Variants in ZNF761 observed in about 807,000 individuals in gnomAD.
ZNF761 encodes the protein zinc finger protein 761.
ZNF761 carries 43 observed loss-of-function variants against 59.9 expected under a neutral mutation model. The ratio of observed to expected loss-of-function variants is 0.72; its 90% CI spans 0.56 to 0.92. The LOEUF is 0.92. ZNF761 is among the 40% of genes least tolerant of loss of function. ZNF761 has a pLI of 0.00. For missense variants in ZNF761, 850 were observed against 906.1 expected (o/e 0.94, Z 0.79); for synonymous variants, 294 against 304.8 (o/e 0.96, Z 0.37).
chr19:53,434,127 G>A (rs576623170), intron 1 of ZNF761, among the ~76,000 whole-genome samples: 1 of 152,156 alleles, frequency 6.6e-6, no homozygotes, highest in African/African-American at 2.4e-5. Flanking sequence ...CTGCTTGCGA[G>A]TTTATGATGC....
intron 1 of ZNF761, among the ~76,000 whole-genome samples, chr19:53,436,281 T>A (rs1003870730): frequency 6.6e-6 from 1 of 152,186 alleles, no homozygotes; most frequent in Non-Finnish European, 1.5e-5. Flanking sequence ...AGAGTCTCCA[T>A]GTTGAAAGGG....
At chr19:53,446,830 C>T (rs560857820) in intron 2 of ZNF761, among the ~76,000 whole-genome samples, 20 of 152,150 alleles carry the variant, frequency 1.3e-4, no homozygotes, top group Non-Finnish European at 2.4e-4. Context: ...TGGGGTTTCA[C>T]CATGTTTCAC....
At chr19:53,454,305 T>G (rs2086244680) in intron 4 of ZNF761, among the ~76,000 whole-genome samples, 1 of 152,226 alleles carries the variant, frequency 6.6e-6, no homozygotes, top group Non-Finnish European at 1.5e-5. Flanking sequence ...GCTGTAAATA[T>G]GAAGAATATA....
At chr19:53,436,788 CT>C (rs1318841548) in intron 1 of ZNF761, among the ~76,000 whole-genome samples, 6 of 152,116 alleles carry the variant, frequency 3.9e-5, no homozygotes, top group African/African-American at 1.4e-4. Flanking sequence ...CACTTTTCCC[CT>C]GGTGGAGAAA....
chr19:53,444,892 A>G (rs1025827048), intron 1 of ZNF761: 1 of 150,924 alleles, frequency 6.6e-6, no homozygotes, highest in African/African-American at 2.4e-5. Context: ...GACTCTTTAT[A>G]TTATGTCAGA....
rs147857722 is a variant in ZNF761, at chr19:53,436,943, T to C, written c.-185+4915T>C. Among the ~76,000 whole-genome samples, 106 of 152,310 alleles carry C rather than the reference T, an allele frequency of 7.0e-4. 2 individuals are homozygous for C. The East Asian group carries it at 0.018, about 26-fold the overall frequency. On this transcript the variant is annotated intron_variant, in intron 1 of 4. Transcript: ENST00000684525. ...GAATTCTTGGGGCTGAGTGGGCCCC[T>C]GTCGTGGGTTATTCTCAGCACAGGT...
intron 4 of ZNF761, among the ~76,000 whole-genome samples, chr19:53,453,674 G>A (rs1239967379): frequency 6.6e-6 from 1 of 152,040 alleles, no homozygotes; most frequent in Non-Finnish European, 1.5e-5. Flanking sequence ...TCAAAAGTAC[G>A]AGGCTGGCCT....
At chr19:53,432,869 G>GGACA (rs2085987507) in intron 1 of ZNF761, among the ~76,000 whole-genome samples, 2 of 151,150 alleles carry the variant, frequency 1.3e-5, no homozygotes, top group Non-Finnish European at 2.9e-5. Context: ...GAGAGATGAA[G>GGACA]GACAGCAAGG....
chr19:53,433,044 AGG>A (rs34335605), intron 1 of ZNF761, among the ~76,000 whole-genome samples: 3 of 123,514 alleles, frequency 2.4e-5, no homozygotes, highest in Non-Finnish European at 3.7e-5. Flanking sequence ...GAGTGGGGAC[AGG>A]GGGGTATAAC....
In ZNF761 at chr19:53,442,933, C is replaced by G. The variant is rs534971462; in HGVS notation, c.-184-3294C>G. 3 of 342,750 alleles carry G rather than the reference C, an allele frequency of 8.8e-6. No homozygotes were observed. The East Asian group carries it at 2.3e-4, about 27-fold the overall frequency. 21.2% of individuals were successfully genotyped at this position (342,750 alleles called of 1,614,324 possible). ...AGATGCCTTTGTCACATCCTATAAT[C>G]AGCTCACATCATTTTTTTCTGTACA... On this transcript the variant is annotated intron_variant, in intron 1 of 4. Transcript: ENST00000684525.
chr19:53,449,331 A>G (rs1266966496), intron 3 of ZNF761, among the ~76,000 whole-genome samples, 181 bp from the exon 4 acceptor site: 1 of 140,350 alleles, frequency 7.1e-6, no homozygotes, highest in Non-Finnish European at 1.5e-5. Flanking sequence ...CTCCACCTCA[A>G]AAAAAAAAAA....
chr19:53,435,830 A>C (rs1409698341), intron 1 of ZNF761, among the ~76,000 whole-genome samples: 1 of 152,106 alleles, frequency 6.6e-6, no homozygotes, highest in East Asian at 1.9e-4. Flanking sequence ...GAGGAGGTTG[A>C]GCACAACGAC....
chr19:53,456,541 A>G lies in ZNF761; in HGVS notation c.2034A>G (p.Ile678Met), dbSNP rs750594624. ...CCTTTAGTCGGAAGTCATATTTTAT[A>G]TGCCATCATAGACTTCATACTGGAG... is the stretch of plus-strand genomic sequence containing the variant. ...GKTFSRKSYF[I>M]CHHRLHTGEK... The change falls in exon 5 of 5, where the codon ATA becomes ATG. Residue 678 changes from isoleucine (I) to methionine (M), a missense_variant. Coordinates refer to ENST00000684525, the MANE Select transcript of ZNF761 (RefSeq NM_001289951.2). The G allele has an allele frequency of 6.2e-7, 1 of 1,612,044 alleles. No homozygotes were observed. Among genetic ancestry groups the G allele is most frequent in the Non-Finnish European group, 8.5e-7 (1 of 1,178,728 alleles).
chr19:53,457,000 T>G lies in ZNF761; in HGVS notation c.*252T>G, dbSNP rs2086278724. 1.5e-5 allele frequency: 10 copies of G among 661,926 alleles called. No individual in the cohort carries two copies. The highest frequency in any genetic ancestry group is 7.5e-5 in the Admixed American group (3 of 40,238). The allele number at this position is 661,926 out of a possible 1,614,324, so 41.0% of individuals were successfully genotyped here. ...GAGAGAAACCATAAAAATGTAAGAG[T>G]TTGTGACAAGGCTTTTGGGCATGAT... On this transcript the variant is annotated 3_prime_UTR_variant, in exon 5 of 5. Transcript: ENST00000684525.
chr19:53,451,251 C>T (rs1011412412), intron 4 of ZNF761, among the ~76,000 whole-genome samples: 7 of 152,260 alleles, frequency 4.6e-5, no homozygotes, highest in African/African-American at 1.7e-4. Context: ...GTTCTTGTCG[C>T]CCATGCTGGA....
At position 53,432,006 on chromosome 19, in the gene ZNF761, G is replaced by C. The variant is rs991435508; in HGVS notation, c.-207G>C. ...TGCAGACCAGGAAGCGGATAGCGTG[G>C]AGTGACGGTGCCACCGCGGCGCGTG... On this transcript the variant is annotated 5_prime_UTR_variant, in exon 1 of 5. Transcript: ENST00000684525. The C allele has an allele frequency of 6.5e-6, 1 of 152,920 alleles. No homozygotes were observed. 9.5% of individuals were successfully genotyped at this position (152,920 alleles called of 1,614,324 possible). A position where few individuals can be genotyped will look rare whatever the true frequency, so the allele number is the denominator to read the frequency against.
intron 4 of ZNF761, among the ~76,000 whole-genome samples, chr19:53,451,019 C>G (rs1265687864): frequency 1.3e-5 from 2 of 151,790 alleles, no homozygotes; most frequent in Non-Finnish European, 2.9e-5. Context: ...ATTCCATAAC[C>G]TGCAAAAACT....
intron 1 of ZNF761, chr19:53,442,013 T>A: frequency 9.2e-7 from 1 of 1,086,282 alleles, no homozygotes; most frequent in Non-Finnish European, 1.4e-6. Flanking sequence ...TGAAGTGGCC[T>A]CCGTGAACGG....
intron 1 of ZNF761, among the ~76,000 whole-genome samples, chr19:53,440,016 C>T (rs1445894790): frequency 6.6e-6 from 1 of 152,074 alleles, no homozygotes; most frequent in African/African-American, 2.4e-5. Flanking sequence ...TATGAGGTTG[C>T]ACTGGTACCT....
Sources: gnomAD v4.1 joint callset for allele counts (sites outside exome capture counted in the v4.1 genomes callset) on GRCh38, gnomAD v4.1.1 for gene constraint, MANE v1.5 for transcripts, NCBI Gene and HGNC (gene_info 2026-07-23, HGNC 2026-07-21) for gene names.